OCRL: variants seen among roughly 807,000 people sequenced by gnomAD.
OCRL encodes OCRL inositol polyphosphate-5-phosphatase.
A neutral mutation model predicts 78.9 loss-of-function variants in OCRL; 8 were observed. That is an observed-to-expected ratio of 0.10 (90% CI 0.06 to 0.18). The LOEUF (loss-of-function observed/expected upper bound fraction) is 0.18. Among genes scored for constraint, OCRL ranks in the 10% least tolerant of loss-of-function variants. The probability of loss-of-function intolerance (pLI) is 1.00; values close to 1 mark genes in which losing one functional copy is unlikely to be tolerated. For synonymous variants in OCRL, 240 were observed against 235.4 expected (o/e 1.02, Z -0.18); for missense variants, 454 against 696.7 (o/e 0.65, Z 3.92).
rs1935858989 is a variant in OCRL at position 129,544,975 on chromosome X, A to G, written c.137A>G (p.His46Arg). ...TTTCCTAGGTTAATAATCCAGTTGC[A>G]TGAGAAGGAACAGCATGTTCAAGAT... ...NGQYELIIQLHEKEQHVQDII... is the reference protein window; with the variant it reads ...NGQYELIIQLREKEQHVQDII... The change falls in exon 3 of 24, where the codon CAT becomes CGT. Residue 46 changes from histidine to arginine, a missense_variant. By Grantham distance (29) the His-to-Arg change is conservative. This residue lies in a region of OCRL where 177 missense variants were observed against 179.6 expected (regional missense o/e 0.99). Coordinates refer to ENST00000371113, the MANE Select transcript of OCRL (RefSeq NM_000276.4). The G allele has an allele frequency of 8.6e-7, 1 of 1,162,018 alleles. No homozygotes were observed. Among genetic ancestry groups the G allele is most frequent in the South Asian group, 1.8e-5 (1 of 55,854 alleles).
chrX:129,571,388 A>G (rs1936299816), intron 15 of OCRL, among the ~76,000 whole-genome samples: 1 of 92,207 alleles, frequency 1.1e-5, no homozygotes, highest in African/African-American at 4.2e-5. Context: ...TTTTTGAGAC[A>G]GAGTCTCGCT....
In OCRL at chrX:129,576,649, G is replaced by A. The variant is rs1936372753; in HGVS notation, c.2115+97G>A. The A allele has an allele frequency of 8.0e-6, 5 of 625,445 alleles. No individual in the cohort carries two copies. The South Asian group carries it at 1.2e-4, about 15-fold the overall frequency. The allele number at this position is 625,445 out of a possible 1,213,427, so 51.5% of individuals were successfully genotyped here. ...TCTTTGTGCTTTCTGTCTTCTTTTG[G>A]CCACGGGGGATGTCAAATGATAAAG... is the stretch of plus-strand genomic sequence containing the variant. On this transcript the variant is annotated intron_variant, in intron 18 of 23. Transcript: ENST00000371113.
At position 129,581,800 on chromosome X, in the gene OCRL, C is replaced by T. The variant is rs185919838; in HGVS notation, c.2116-2544C>T. Among the ~76,000 whole-genome samples, 256 of 93,366 alleles carry T rather than the reference C, an allele frequency of 2.7e-3. 2 individuals carry two copies. The highest frequency in any genetic ancestry group is 0.01 in the African/African-American group (244 of 24,168). The allele number at this position is 93,366 out of a possible 115,157, so 81.1% of individuals were successfully genotyped here. On this transcript the variant is annotated intron_variant, in intron 18 of 23. Transcript: ENST00000371113. ...TGTTTACCTTCTTCTGCTTGACCTA[C>T]CTCGGTAGCCTTTGAATGATCCCTT...
intron 8 of OCRL, 144 bp downstream of exon 8, chrX:129,559,145 G>A: frequency 3.7e-6 from 2 of 533,995 alleles, no homozygotes; most frequent in Non-Finnish European, 3.0e-6. Context: ...CTGTCTCTAT[G>A]CTGGCCAATA....
At position 129,540,494 on chromosome X, in the gene OCRL, A is replaced by C. The variant is rs1242261409; in HGVS notation, c.39+16A>C. ...GCCGCTTGCCGTATCCGCCGGAGAGAAGGGAGAGGGGAGGCCGCGCAGGGC... is the reference window on the plus strand; with the variant it reads ...GCCGCTTGCCGTATCCGCCGGAGAGCAGGGAGAGGGGAGGCCGCGCAGGGC... On this transcript the variant is annotated intron_variant, in intron 1 of 23. Transcript: ENST00000371113. The C allele has an allele frequency of 1.6e-4, 178 of 1,094,594 alleles. No homozygotes were observed. Among genetic ancestry groups the C allele is most frequent in the Non-Finnish European group, 2.0e-4 (166 of 827,109 alleles). 90.2% of individuals were successfully genotyped at this position (1,094,594 alleles called of 1,213,427 possible).
At chrX:129,567,901 C>G (rs964597549) in intron 14 of OCRL, among the ~76,000 whole-genome samples, 5 of 105,475 alleles carry the variant, frequency 4.7e-5, no homozygotes, top group African/African-American at 1.7e-4. Flanking sequence ...TTTAGTAGAC[C>G]CTTTTTTTTT....
Position 129,589,862 on chromosome X carries a change from G to A in OCRL, c.2487G>A (p.Pro829=), listed in dbSNP as rs763309500. Residue 829 remains proline (P), a synonymous_variant, in exon 23 of 24, where the codon CCG becomes CCA. Coordinates refer to ENST00000371113, the MANE Select transcript of OCRL (RefSeq NM_000276.4). The part of the protein sequence containing the change: ...RICRQVISQL[P]RCHRNVFRYL... ...AAAAACAGGTGATCTCCCAGCTTCCGAGATGCCATAGAAATGTTTTCCGTT... is the reference window on the plus strand; with the variant it reads ...AAAAACAGGTGATCTCCCAGCTTCCAAGATGCCATAGAAATGTTTTCCGTT... 1.6e-5 allele frequency: 19 copies of A among 1,206,386 alleles called. No homozygotes were observed. Among genetic ancestry groups the A allele is most frequent in the East Asian group, 5.9e-5 (2 of 33,791 alleles).
At chrX:129,585,916 G>A (rs1936507324) in intron 19 of OCRL, among the ~76,000 whole-genome samples, 2 of 110,304 alleles carry the variant, frequency 1.8e-5, no homozygotes, top group African/African-American at 6.6e-5. Flanking sequence ...CGTGACTGGG[G>A]GTTGTGGATG....
At position 129,540,805 on chromosome X, in the gene OCRL, A is replaced by G. The variant is rs751244947; in HGVS notation, c.101A>G (p.Gln34Arg). The part of the protein sequence containing the change: ...LREPCALTLA[Q>R]RNGQYELIIQ... The stretch of plus-strand genomic sequence containing the variant: ...GAGCCCTGCGCCCTGACCCTAGCCC[A>G]GAGGAACGGGCAATATGAGTAAGTA... The change falls in exon 2 of 24, where the codon CAG becomes CGG. Residue 34 changes from glutamine to arginine, a missense_variant. This residue lies in a region of OCRL where 177 missense variants were observed against 179.6 expected (regional missense o/e 0.99). Coordinates refer to ENST00000371113, the MANE Select transcript of OCRL (RefSeq NM_000276.4). The G allele has an allele frequency of 4.1e-6, 5 of 1,206,997 alleles. No individual in the cohort carries two copies. Among genetic ancestry groups the G allele is most frequent in the African/African-American group, 3.5e-5 (2 of 57,774 alleles).
At chrX:129,582,701 A>G (rs774240055) in intron 18 of OCRL, among the ~76,000 whole-genome samples, 9 of 112,036 alleles carry the variant, frequency 8.0e-5, no homozygotes, top group Non-Finnish European at 1.5e-4. Flanking sequence ...AGACTATTCT[A>G]ATTGCTTTAT....
chrX:129,556,400 C>T (rs1232448084), intron 4 of OCRL, among the ~76,000 whole-genome samples: 5 of 111,480 alleles, frequency 4.5e-5, no homozygotes, highest in Admixed American at 3.8e-4. Context: ...CAGTTGGTCA[C>T]CCTAGACTCC....
At chrX:129,564,837 A>G (rs1442807252) in intron 12 of OCRL, among the ~76,000 whole-genome samples, 1 of 110,980 alleles carries the variant, frequency 9.0e-6, no homozygotes, top group East Asian at 2.8e-4. Flanking sequence ...TAACCTGCAC[A>G]TTGTGCACAT....
chrX:129,558,019 A>G, intron 6 of OCRL, 69 bp downstream of exon 6: 2 of 679,179 alleles, frequency 2.9e-6, no homozygotes, highest in Admixed American at 2.2e-5. Context: ...GTCAGGCCAA[A>G]TATGGTGATG....
chrX:129,568,793 T>G (rs1936256900), intron 14 of OCRL, among the ~76,000 whole-genome samples: 1 of 112,516 alleles, frequency 8.9e-6, no homozygotes, highest in African/African-American at 3.2e-5. Context: ...CTCCAAAAAT[T>G]AAGCCCAGTC....
intron 1 of OCRL, 120 bp from the exon 2 acceptor site, chrX:129,540,624 A>AGGGAG: frequency 4.2e-6 from 1 of 235,621 alleles, no homozygotes; most frequent in Admixed American, 5.3e-5. Context: ...GAGACGAAGC[A>AGGGAG]GGGCGGGGCG....
chrX:129,546,144 A>G (rs1935875574), intron 3 of OCRL, among the ~76,000 whole-genome samples: 1 of 112,598 alleles, frequency 8.9e-6, no homozygotes, highest in South Asian at 3.6e-4. Flanking sequence ...TAAAGAAAAT[A>G]GGTCACTTAA....
At chrX:129,545,939 C>G (rs777843039) in intron 3 of OCRL, among the ~76,000 whole-genome samples, 2 of 111,316 alleles carry the variant, frequency 1.8e-5, no homozygotes, top group Non-Finnish European at 3.8e-5. Flanking sequence ...GTCTCAAACT[C>G]CTGAGTTCAA....
intron 15 of OCRL, among the ~76,000 whole-genome samples, chrX:129,574,349 A>G (rs941666722): frequency 9.8e-5 from 11 of 112,698 alleles, no homozygotes; most frequent in African/African-American, 3.5e-4. Flanking sequence ...TGAAGTTTTA[A>G]TATTTAAAAA....
intron 10 of OCRL, 32 bp from the exon 11 acceptor site, chrX:129,562,352 A>G (rs1416674183): frequency 8.4e-6 from 9 of 1,072,969 alleles, no homozygotes; most frequent in Non-Finnish European, 1.2e-5. Flanking sequence ...TGGTATTAAC[A>G]TTAACCTTTT....
Sources: gnomAD v4.1 joint callset for allele counts (sites outside exome capture counted in the v4.1 genomes callset) on GRCh38, gnomAD v4.1.1 for gene constraint, gnomAD v4.1.1 regional missense constraint, MANE v1.5 for transcripts, NCBI Gene and HGNC (gene_info 2026-07-23, HGNC 2026-07-21) for gene names.